DYSF: variants seen among roughly 807,000 people sequenced by gnomAD.
DYSF encodes dysferlin.
A neutral mutation model predicts 274.9 loss-of-function variants in DYSF; 212 were observed. The ratio of observed to expected loss-of-function variants is 0.77; its 90% CI spans 0.69 to 0.86. DYSF has a LOEUF of 0.86. Among genes scored for constraint, DYSF ranks in the 40% least tolerant of loss-of-function variants. The pLI, the probability that DYSF is intolerant of heterozygous loss-of-function variation, is 0.00. For missense variants in DYSF, 2,666 were observed against 2,783.2 expected (o/e 0.96, Z 0.95); for synonymous variants, 1,091 against 1,078.7 (o/e 1.01, Z -0.22).
chr2:71,577,612 A>T (rs2092753119), intron 30 of DYSF, among the ~76,000 whole-genome samples: 1 of 151,542 alleles, frequency 6.6e-6, no homozygotes, highest in Non-Finnish European at 1.5e-5. Context: ...ATAGACACAC[A>T]CACATTCTGA....
chr2:71,652,725 G>C (rs537389833), intron 42 of DYSF, among the ~76,000 whole-genome samples: 59 of 152,300 alleles, frequency 3.9e-4, no homozygotes, highest in African/African-American at 1.4e-3. Context: ...TCATCTGGAA[G>C]AACATCAGGT....
At chr2:71,457,728 C>T (rs191174246) in intron 1 of DYSF, among the ~76,000 whole-genome samples, 9 of 152,298 alleles carry the variant, frequency 5.9e-5, no homozygotes, top group African/African-American at 9.6e-5. Context: ...TGATGCAGGA[C>T]GCTCCCTCCA....
chr2:71,668,245 G>C (rs1297823022), intron 48 of DYSF, among the ~76,000 whole-genome samples: 1 of 152,210 alleles, frequency 6.6e-6, no homozygotes, highest in African/African-American at 2.4e-5. Context: ...GGCACAACAG[G>C]TGTGGAAACT....
At chr2:71,632,399 G>A (rs1368323706) in intron 41 of DYSF, among the ~76,000 whole-genome samples, 1 of 152,214 alleles carries the variant, frequency 6.6e-6, no homozygotes, top group Non-Finnish European at 1.5e-5. Context: ...TAACTAGAAA[G>A]TAGGTTGACT....
chr2:71,518,422 GTTT>G (rs573031688), intron 10 of DYSF, among the ~76,000 whole-genome samples: 1 of 136,062 alleles, frequency 7.3e-6, no homozygotes, highest in African/African-American at 2.7e-5. Flanking sequence ...ACGCCTGGCA[GTTT>G]TTTTTTTTTT....
intron 52 of DYSF, among the ~76,000 whole-genome samples, chr2:71,678,080 A>G (rs747251338): frequency 1.9e-4 from 29 of 152,226 alleles, no homozygotes; most frequent in Non-Finnish European, 3.4e-4. Flanking sequence ...ACTTAATAAG[A>G]TATCTTTGGG....
At chr2:71,631,987 C>A (rs367978344) in intron 41 of DYSF, among the ~76,000 whole-genome samples, 1 of 152,152 alleles carries the variant, frequency 6.6e-6, no homozygotes, top group African/African-American at 2.4e-5. Context: ...CCACCACCCC[C>A]TGCCCCAAGA....
chr2:71,624,288 C>T (rs921312725), intron 41 of DYSF, among the ~76,000 whole-genome samples: 4 of 152,216 alleles, frequency 2.6e-5, no homozygotes. Flanking sequence ...TGTTGGCAGA[C>T]AGGACAGACA....
Position 71,544,006 on chromosome 2 carries a change from CT to C in DYSF, c.1576+4768del, listed in dbSNP as rs200411789. ...AGAGGGCTCAAGCCTTCTTTTTTCC[CT>C]GTCACTCCTTTTATATTTTCCTTTA... On this transcript the variant is annotated intron_variant, in intron 17 of 55. Coordinates refer to ENST00000410020, the MANE Select transcript of DYSF (RefSeq NM_001130987.2). Among the ~76,000 whole-genome samples, 1,490 of 151,758 alleles carry C rather than the reference CT, an allele frequency of 9.8e-3. 24 individuals are homozygous for C. The highest frequency in any genetic ancestry group is 0.034 in the African/African-American group (1,414 of 41,462).
intron 29 of DYSF, among the ~76,000 whole-genome samples, chr2:71,573,771 C>G (rs1280369642): frequency 6.6e-6 from 1 of 152,140 alleles, no homozygotes; most frequent in Non-Finnish European, 1.5e-5. Context: ...TTGGTTCTTC[C>G]CGCAGCCCAT....
chr2:71,573,332 C>A (rs1238044126), intron 29 of DYSF, among the ~76,000 whole-genome samples: 2 of 152,214 alleles, frequency 1.3e-5, no homozygotes, highest in South Asian at 2.1e-4. Context: ...TTGCCCACCA[C>A]CCCACAGCCA....
intron 53 of DYSF, among the ~76,000 whole-genome samples, chr2:71,679,438 G>A (rs528621401): frequency 1.3e-5 from 2 of 150,474 alleles, no homozygotes; most frequent in South Asian, 2.1e-4. Context: ...TCTCCTTTGC[G>A]GCTCACATCC....
intron 41 of DYSF, among the ~76,000 whole-genome samples, chr2:71,642,935 T>C (rs890480532): frequency 6.6e-6 from 1 of 152,222 alleles, no homozygotes; most frequent in African/African-American, 2.4e-5. Context: ...TCTTCTAGCC[T>C]ACCTTCTCAT....
chr2:71,626,766 T>C (rs2094214704), intron 41 of DYSF, among the ~76,000 whole-genome samples: 1 of 151,984 alleles, frequency 6.6e-6, no homozygotes, highest in African/African-American at 2.4e-5. Context: ...ATCCGTTGCC[T>C]AAATGTTTGG....
chr2:71,641,568 G>A (rs1208203877), intron 41 of DYSF, among the ~76,000 whole-genome samples: 2 of 151,858 alleles, frequency 1.3e-5, no homozygotes, highest in Admixed American at 6.6e-5. Context: ...TGGTCTTTCT[G>A]CCCTTTCTAA....
chr2:71,667,937 C>A (rs2095046663), intron 48 of DYSF, among the ~76,000 whole-genome samples: 1 of 151,958 alleles, frequency 6.6e-6, no homozygotes, highest in Non-Finnish European at 1.5e-5. Context: ...CATCCTATGA[C>A]CAAATGACAA....
chr2:71,667,386 G>T lies in DYSF; in HGVS notation c.5328G>T (p.Arg1776Ser). 1 of 1,614,102 alleles carries T rather than the reference G, an allele frequency of 6.2e-7. No homozygotes were observed. The highest frequency in any genetic ancestry group is 8.5e-7 in the Non-Finnish European group (1 of 1,180,030). Residue 1776 changes from arginine to serine, a missense_variant, in exon 48 of 56, where the codon AGG (arginine) becomes AGT (serine). Arg to Ser is a moderately radical substitution (Grantham distance 110, BLOSUM62 -1). This residue lies in a region of DYSF where 1,460 missense variants were observed against 1,502.1 expected (regional missense o/e 0.97). Coordinates refer to ENST00000410020, the MANE Select transcript of DYSF (RefSeq NM_001130987.2). Reference sequence around the variant, plus strand: ...TTCTCTCTGGGGCAGAGGCTGGCAGGATCCCAAACCCACACCTGGGCCCAG... The same window carrying T: ...TTCTCTCTGGGGCAGAGGCTGGCAGTATCCCAAACCCACACCTGGGCCCAG... ...EYSIEEIEAG[R>S]IPNPHLGPVE...
chr2:71,570,182 ATCTG>A, intron 27 of DYSF, 43 bp from the exon 28 acceptor site: 1 of 1,549,664 alleles, frequency 6.5e-7, no homozygotes, highest in Non-Finnish European at 8.9e-7. Context: ...CCCTGCTCAC[ATCTG>A]TCTGTCTCCT....
rs2094954221 is a variant in DYSF at position 71,664,165 on chromosome 2, AAGGAAAGAAG to A, written c.5004-101_5004-92del. 1.0e-5 allele frequency: 15 copies of A among 1,481,230 alleles called. No individual in the cohort carries two copies. In the South Asian group the frequency reaches 1.7e-4, roughly 17 times the overall value. The allele number at this position is 1,481,230 out of a possible 1,614,324, so 91.8% of individuals were successfully genotyped here. ...GGCCTGTAAGATCTGTAGGGGGCCCAAGGAAAGAAGACTCCCTGGGGTAGTTTCGAGCTCT... is the reference window on the plus strand; with the variant it reads ...GGCCTGTAAGATCTGTAGGGGGCCCAACTCCCTGGGGTAGTTTCGAGCTCT... On this transcript the variant is annotated intron_variant, in intron 45 of 55. Transcript: ENST00000410020.
Sources: gnomAD v4.1 joint callset for allele counts (sites outside exome capture counted in the v4.1 genomes callset) on GRCh38, gnomAD v4.1.1 for gene constraint, gnomAD v4.1.1 regional missense constraint, MANE v1.5 for transcripts, NCBI Gene and HGNC (gene_info 2026-07-23, HGNC 2026-07-21) for gene names.